ZNF18: variants seen among roughly 807,000 people sequenced by gnomAD.
ZNF18 encodes the protein heart development-specific gene 1 protein.
ZNF18 carries 42 observed loss-of-function variants against 58.1 expected under a neutral mutation model. That is an observed-to-expected ratio of 0.72 (90% CI 0.56 to 0.93). The LOEUF is 0.93. Ranked by LOEUF, ZNF18 falls within the 40% of genes least tolerant of loss-of-function variation. ZNF18 has a pLI of 0.00. For missense variants in ZNF18, 540 were observed against 644.2 expected, an observed-to-expected ratio of 0.84 and a Z score of 1.75; for synonymous variants, 231 against 239.8, an observed-to-expected ratio of 0.96 and a Z score of 0.34.
At chr17:11,980,582 A>G (rs12452765) in intron 6 of ZNF18, among the ~76,000 whole-genome samples, 72,024 of 151,696 alleles carry the variant, frequency 0.47, 17,267 homozygotes, top group Middle Eastern at 0.58. Flanking sequence ...CACTATGCCC[A>G]GCTAATTTTT....
In ZNF18 at chr17:11,993,002, G is replaced by A. The variant is rs1968229466; in HGVS notation, c.-82-91C>T. On this transcript the variant is annotated intron_variant, in intron 1 of 6. Coordinates refer to ENST00000580306, the MANE Select transcript of ZNF18 (RefSeq NM_001303281.2). Reference sequence around the variant, plus strand: ...CACATGCCCTACCCGAGAAGCCATGGGGTCAACTATGGAGCTTTTGAAATT... The same window carrying A: ...CACATGCCCTACCCGAGAAGCCATGAGGTCAACTATGGAGCTTTTGAAATT... The A allele has an allele frequency of 5.5e-6, 4 of 725,768 alleles. No individual in the cohort carries two copies. The East Asian group carries it at 1.1e-4, about 20-fold the overall frequency. The allele number at this position is 725,768 out of a possible 1,614,324, so 45.0% of individuals were successfully genotyped here.
intron 6 of ZNF18, among the ~76,000 whole-genome samples, chr17:11,979,686 T>C (rs1388000976): frequency 2.0e-5 from 3 of 152,224 alleles, no homozygotes; most frequent in Non-Finnish European, 4.4e-5. Flanking sequence ...CACATATTAG[T>C]GTCTTTTCAA....
the ZNF18 span, among the ~76,000 whole-genome samples, chr17:12,005,424 C>T: frequency 4.5e-4 from 68 of 152,162 alleles, no homozygotes; most frequent in African/African-American, 1.5e-3. Flanking sequence ...ATGTCTCTTC[C>T]AATTAGTTTG....
the ZNF18 span, among the ~76,000 whole-genome samples, chr17:12,005,470 T>G: frequency 3.3e-5 from 5 of 152,198 alleles, no homozygotes; most frequent in Non-Finnish European, 5.9e-5. Flanking sequence ...ACTATGGAAA[T>G]TAGTAGCCAC....
At chr17:12,015,017 C>T in the ZNF18 span, among the ~76,000 whole-genome samples, 1 of 152,002 alleles carries the variant, frequency 6.6e-6, no homozygotes, top group African/African-American at 2.4e-5. Context: ...CGCTGCACTC[C>T]AGCCTGGGCA....
chr17:11,980,894 A>G (rs1470865535), intron 6 of ZNF18, among the ~76,000 whole-genome samples: 1 of 152,212 alleles, frequency 6.6e-6, no homozygotes, highest in East Asian at 1.9e-4. Flanking sequence ...CTTCTTTCAA[A>G]ACATTTTTTT....
intron 1 of ZNF18, among the ~76,000 whole-genome samples, chr17:11,995,226 T>C (rs1968392957): frequency 6.6e-6 from 1 of 151,296 alleles, no homozygotes; most frequent in South Asian, 2.1e-4. Flanking sequence ...CTGTCCAACA[T>C]GGCAAAACCC....
At chr17:12,018,811 A>G in the ZNF18 span, among the ~76,000 whole-genome samples, 1 of 152,180 alleles carries the variant, frequency 6.6e-6, no homozygotes, top group African/African-American at 2.4e-5. Context: ...TGTCAGTTTT[A>G]TCACAAACTC....
At position 11,978,279 on chromosome 17, in the gene ZNF18, T is replaced by G. The variant is rs550778787; in HGVS notation, c.1328A>C (p.Lys443Thr). ...ETYFQCTICK[K>T]AFLRSSDFVK... ...AAAGTCTGAACTCCGCAGAAAGGCT[T>G]TTTTGCAGATGGTGCACTGAAAGTA... The change falls in exon 7 of 7, where the codon AAA (lysine) becomes ACA (threonine). Residue 443 changes from lysine (K) to threonine (T), a missense_variant. Coordinates refer to ENST00000580306, the MANE Select transcript of ZNF18 (RefSeq NM_001303281.2). 1 of 1,607,566 alleles carries G rather than the reference T, an allele frequency of 6.2e-7. No individual in the cohort carries two copies. The highest frequency in any genetic ancestry group is 8.5e-7 in the Non-Finnish European group (1 of 1,177,628).
chr17:11,983,000 A>C (rs747841163), intron 6 of ZNF18, among the ~76,000 whole-genome samples: 10 of 152,144 alleles, frequency 6.6e-5, no homozygotes, highest in Non-Finnish European at 1.5e-4. Context: ...ATTGGTCTTA[A>C]TTTGTGTGAA....
At chr17:12,004,811 C>CAGG in the ZNF18 span, among the ~76,000 whole-genome samples, 71 of 148,470 alleles carry the variant, frequency 4.8e-4, no homozygotes, top group African/African-American at 1.7e-3. Flanking sequence ...AGCTTGAACC[C>CAGG]AGGAGACAGA....
chr17:12,013,547 T>C, the ZNF18 span, among the ~76,000 whole-genome samples: 1 of 152,196 alleles, frequency 6.6e-6, no homozygotes, highest in Admixed American at 6.5e-5. Flanking sequence ...TCTACCTTTA[T>C]TTGAGATCTC....
At chr17:12,007,817 G>A in the ZNF18 span, among the ~76,000 whole-genome samples, 2 of 152,140 alleles carry the variant, frequency 1.3e-5, no homozygotes. Flanking sequence ...ATTTTAAAAA[G>A]CAAGCTTTTT....
the ZNF18 span, among the ~76,000 whole-genome samples, chr17:12,019,115 G>A: frequency 5.9e-5 from 9 of 151,596 alleles, no homozygotes; most frequent in South Asian, 8.3e-4. Flanking sequence ...CCACCACACC[G>A]GCTAATTTTT....
the ZNF18 span, among the ~76,000 whole-genome samples, chr17:12,003,299 C>T: frequency 4.6e-5 from 7 of 152,132 alleles, no homozygotes; most frequent in East Asian, 1.4e-3. Context: ...ATAAGCCAGG[C>T]ATGGTGGCAG....
At chr17:12,017,552 A>G in the ZNF18 span, among the ~76,000 whole-genome samples, 2 of 152,286 alleles carry the variant, frequency 1.3e-5, no homozygotes, top group African/African-American at 4.8e-5. Context: ...GTTGTAAATT[A>G]CTTTTTCTTT....
At chr17:11,986,669 A>C (rs1278646996) in intron 4 of ZNF18, among the ~76,000 whole-genome samples, 2 of 152,212 alleles carry the variant, frequency 1.3e-5, no homozygotes, top group Non-Finnish European at 2.9e-5. Flanking sequence ...TAATCACTTG[A>C]GCAAACATTG....
At chr17:11,997,373 AGC>A (rs1968536466) in intron 1 of ZNF18, 56 bp downstream of exon 1, 1 of 152,294 alleles carries the variant, frequency 6.6e-6, no homozygotes, top group African/African-American at 2.4e-5. Context: ...GGACGCAGAT[AGC>A]GCAAGGCCTG....
At chr17:12,012,942 T>A in the ZNF18 span, among the ~76,000 whole-genome samples, 9 of 124,730 alleles carry the variant, frequency 7.2e-5, no homozygotes, top group African/African-American at 2.8e-4. Flanking sequence ...CTTTTTCATG[T>A]TGATTTGTAG....
Sources: allele counts gnomAD v4.1 joint callset (sites outside exome capture counted in the v4.1 genomes callset), GRCh38; gene constraint gnomAD v4.1.1; transcripts MANE v1.5; gene names NCBI Gene and HGNC (gene_info 2026-07-23, HGNC 2026-07-21).